Variants in ARL6IP5 observed in about 807,000 individuals in gnomAD.
ARL6IP5 encodes ARF like GTPase 6 interacting protein 5, also known as PRA1 family protein 3.
A neutral mutation model predicts 13.0 loss-of-function variants in ARL6IP5; 6 were observed. The observed-to-expected ratio is 0.46, with a 90% CI of 0.25 to 0.91. The LOEUF is 0.91. Ranked by LOEUF, ARL6IP5 falls within the 40% of genes least tolerant of loss-of-function variation. ARL6IP5 has a pLI of 0.17. For synonymous variants in ARL6IP5, 91 were observed against 91.9 expected (o/e 0.99, Z 0.06); for missense variants, 208 against 248.8 (o/e 0.84, Z 1.10).
At chr3:69,094,927 C>T (rs888228660) in intron 1 of ARL6IP5, among the ~76,000 whole-genome samples, 29 of 151,976 alleles carry the variant, frequency 1.9e-4, no homozygotes, top group African/African-American at 7.0e-4. Flanking sequence ...AAACTATAGA[C>T]ATAGCTACTG....
intron 1 of ARL6IP5, among the ~76,000 whole-genome samples, chr3:69,088,790 C>T (rs533887030): frequency 3.9e-5 from 6 of 152,298 alleles, no homozygotes; most frequent in South Asian, 4.1e-4. Context: ...TGATGTGAGA[C>T]GTTTTGGGAT....
At chr3:69,099,490 C>G (rs1207353619) in intron 1 of ARL6IP5, among the ~76,000 whole-genome samples, 1 of 152,208 alleles carries the variant, frequency 6.6e-6, no homozygotes, top group Non-Finnish European at 1.5e-5. Context: ...CCCTTAATTT[C>G]ACCCATTCAG....
chr3:69,104,789 C>T lies in ARL6IP5; in HGVS notation c.*153C>T. On this transcript the variant is annotated 3_prime_UTR_variant, in exon 3 of 3. Coordinates refer to ENST00000273258, the MANE Select transcript of ARL6IP5 (RefSeq NM_006407.4). ...CATGTATAGGCCGAACTATTATCAG[C>T]TCTGATGTTTCAGAGAGAAGACCTC... 2.3e-6 allele frequency: 2 copies of T among 864,940 alleles called. No individual in the cohort carries two copies. Among genetic ancestry groups the T allele is most frequent in the Non-Finnish European group, 3.7e-6 (2 of 533,426 alleles). 53.6% of individuals were successfully genotyped at this position (864,940 alleles called of 1,614,324 possible). A position where few individuals can be genotyped will look rare whatever the true frequency, so the allele number is the denominator to read the frequency against.
chr3:69,085,089 C>A lies in ARL6IP5; in HGVS notation c.42C>A (p.Phe14Leu). The A allele has an allele frequency of 6.2e-7, 1 of 1,614,256 alleles. No homozygotes were observed. Among genetic ancestry groups the A allele is most frequent in the Non-Finnish European group, 8.5e-7 (1 of 1,180,040 alleles). Residue 14 changes from phenylalanine (F) to leucine (L), a missense_variant, in exon 1 of 3, where the codon TTC (phenylalanine) becomes TTA (leucine). Coordinates refer to ENST00000273258, the MANE Select transcript of ARL6IP5 (RefSeq NM_006407.4). ...CCCCACTCCGCGCCTGGGACGATTT[C>A]TTCCCGGGTTCCGATCGCTTTGCCC... Reference protein sequence around the residue: ...NIAPLRAWDDFFPGSDRFARP... With the variant: ...NIAPLRAWDDLFPGSDRFARP...
chr3:69,092,380 C>A (rs1264878563), intron 1 of ARL6IP5, among the ~76,000 whole-genome samples: 1 of 152,188 alleles, frequency 6.6e-6, no homozygotes, highest in African/African-American at 2.4e-5. Flanking sequence ...AGAAGGAAGT[C>A]TGTGTTACCA....
chr3:69,098,552 A>G (rs2092294499), intron 1 of ARL6IP5, among the ~76,000 whole-genome samples: 1 of 151,808 alleles, frequency 6.6e-6, no homozygotes, highest in Non-Finnish European at 1.5e-5. Flanking sequence ...GCCCAGGCCC[A>G]GCTAATTTTT....
intron 1 of ARL6IP5, 42 bp downstream of exon 1, chr3:69,085,265 G>T: frequency 6.3e-7 from 1 of 1,581,286 alleles, no homozygotes; most frequent in Non-Finnish European, 8.6e-7. Flanking sequence ...TCCGGGGCGA[G>T]CACGGAGGGG....
intron 1 of ARL6IP5, among the ~76,000 whole-genome samples, chr3:69,089,218 A>G (rs942678437): frequency 1.1e-4 from 17 of 152,170 alleles, no homozygotes; most frequent in Non-Finnish European, 2.4e-4. Flanking sequence ...TTCAAAATGT[A>G]TAGTTCTTGG....
chr3:69,096,835 C>A (rs1005620108), intron 1 of ARL6IP5, among the ~76,000 whole-genome samples: 1 of 151,988 alleles, frequency 6.6e-6, no homozygotes, highest in Non-Finnish European at 1.5e-5. Flanking sequence ...ATCTCCTGAC[C>A]TTGTGATCCA....
intron 1 of ARL6IP5, 151 bp downstream of exon 1, chr3:69,085,374 T>A (rs2092244393): frequency 1.9e-6 from 2 of 1,080,360 alleles, no homozygotes; most frequent in Middle Eastern, 6.3e-4. Flanking sequence ...GGAAACTTGT[T>A]TGCAGGGCGA....
intron 1 of ARL6IP5, among the ~76,000 whole-genome samples, chr3:69,094,326 A>C (rs1412344636): frequency 6.6e-6 from 1 of 152,190 alleles, no homozygotes; most frequent in Admixed American, 6.5e-5. Flanking sequence ...TTACCCCCTC[A>C]GCCAGGCACC....
Position 69,085,065 on chromosome 3 carries a change from C to T in ARL6IP5, c.18C>T (p.Ala6=). The T allele has an allele frequency of 6.2e-7, 1 of 1,613,972 alleles. No individual in the cohort carries two copies. The highest frequency in any genetic ancestry group is 1.1e-5 in the South Asian group (1 of 91,074). ...CTGAGAACATGGACGTTAATATCGC[C>T]CCACTCCGCGCCTGGGACGATTTCT... The part of the protein sequence containing the change: MDVNI[A]PLRAWDDFFP... Residue 6 remains alanine, a synonymous_variant, in exon 1 of 3, where the codon GCC becomes GCT. Transcript: ENST00000273258.
At chr3:69,097,235 C>T (rs1023131855) in intron 1 of ARL6IP5, among the ~76,000 whole-genome samples, 15 of 151,990 alleles carry the variant, frequency 9.9e-5, no homozygotes, top group African/African-American at 3.1e-4. Flanking sequence ...ATCACAGCTC[C>T]CTGCAGCCTT....
intron 1 of ARL6IP5, among the ~76,000 whole-genome samples, chr3:69,086,406 G>C (rs140526089): frequency 2.4e-3 from 365 of 152,350 alleles, no homozygotes; most frequent in Non-Finnish European, 4.3e-3. Context: ...AGAGGAGAGG[G>C]GGAGACTTCA....
chr3:69,086,142 A>G lies in ARL6IP5; in HGVS notation c.176+919A>G, dbSNP rs1160749195. On this transcript the variant is annotated intron_variant, in intron 1 of 2. Coordinates refer to ENST00000273258, the MANE Select transcript of ARL6IP5 (RefSeq NM_006407.4). Reference sequence around the variant, plus strand: ...CTTAAATGTCTGACATTTCTATTTCAGGGCAGACGTAGAGGGAAGAAGCAG... The same window carrying G: ...CTTAAATGTCTGACATTTCTATTTCGGGGCAGACGTAGAGGGAAGAAGCAG... Among the ~76,000 whole-genome samples, 3 of 152,228 alleles carry G rather than the reference A, an allele frequency of 2.0e-5. No individual in the cohort carries two copies. The South Asian group carries it at 6.2e-4, about 31-fold the overall frequency.
chr3:69,103,195 G>A (rs1381315575), intron 2 of ARL6IP5, among the ~76,000 whole-genome samples: 1 of 152,128 alleles, frequency 6.6e-6, no homozygotes. Context: ...GGTGCTTAAC[G>A]CTTAGTATTT....
At chr3:69,085,460 G>A (rs1295625085) in intron 1 of ARL6IP5, among the ~76,000 whole-genome samples, 1 of 152,208 alleles carries the variant, frequency 6.6e-6, no homozygotes, top group Non-Finnish European at 1.5e-5. Context: ...AAAGAGGACG[G>A]GGAAAATTTG....
rs532881017 is a variant in ARL6IP5 at position 69,098,691 on chromosome 3, C to T, written c.177-3148C>T. On this transcript the variant is annotated intron_variant, in intron 1 of 2. Transcript: ENST00000273258. ...ACAGGCTTGAGCCACTGTACTCAGC[C>T]TAGAAACTTCTACTTCTGAGCTATC... Among the ~76,000 whole-genome samples the T allele has an allele frequency of 2.0e-5, 3 of 152,312 alleles. No individual in the cohort carries two copies. In the South Asian group the frequency reaches 6.2e-4, roughly 32 times the overall value.
chr3:69,086,592 A>G (rs1293694493), intron 1 of ARL6IP5, among the ~76,000 whole-genome samples: 1 of 152,192 alleles, frequency 6.6e-6, no homozygotes, highest in Non-Finnish European at 1.5e-5. Flanking sequence ...TGGACTCGGA[A>G]CTAGTGTGGC....
Sources: allele counts gnomAD v4.1 joint callset (sites outside exome capture counted in the v4.1 genomes callset), GRCh38; gene constraint gnomAD v4.1.1; transcripts MANE v1.5; gene names NCBI Gene and HGNC (gene_info 2026-07-23, HGNC 2026-07-21).